Variants in PSD3 observed in about 807,000 individuals in gnomAD.
PSD3 encodes the protein PH and SEC7 domain-containing protein 3.
PSD3 carries 49 observed loss-of-function variants against 105.5 expected under a neutral mutation model. That is an observed-to-expected ratio of 0.46 (90% CI 0.37 to 0.59). PSD3 has a LOEUF of 0.59. PSD3 is among the 20% of genes least tolerant of loss of function. PSD3 has a pLI of 0.00. For synonymous variants in PSD3, 557 were observed against 457.8 expected, an observed-to-expected ratio of 1.22 and a Z score of -2.77; for missense variants, 1,561 against 1,263.8, an observed-to-expected ratio of 1.24 and a Z score of -3.57.
chr8:18,924,461 T>G (rs1326168232), intron 2 of PSD3: 2 of 152,198 alleles, frequency 1.3e-5, no homozygotes, highest in Non-Finnish European at 2.9e-5. Flanking sequence ...TCTAAAGGAC[T>G]AGCCACAAAA....
At position 18,872,565 on chromosome 8, in the gene PSD3, C is replaced by A; in HGVS notation, c.299G>T (p.Cys100Phe). The change falls in exon 3 of 16, where the codon TGC becomes TTC. Residue 100 changes from cysteine (C) to phenylalanine (F), a missense_variant. By Grantham distance (205) the Cys-to-Phe change is radical (BLOSUM62 -2). Transcript: ENST00000327040. ...TGTAACACTGTCGAGCCCAGAGTGG[C>A]AGCCAGTAAGAGGCTGGACACCCTG... ...EQQGVQPLTG[C>F]HSGLDSVTEG... 1 of 1,613,970 alleles carries A rather than the reference C, an allele frequency of 6.2e-7. No homozygotes were observed. Among genetic ancestry groups the A allele is most frequent in the Non-Finnish European group, 8.5e-7 (1 of 1,179,948 alleles).
intron 4 of PSD3, among the ~76,000 whole-genome samples, chr8:18,820,516 C>A (rs910727343): frequency 6.6e-6 from 1 of 152,146 alleles, no homozygotes; most frequent in Non-Finnish European, 1.5e-5. Context: ...CTGCTGTATA[C>A]CTTAAGTCAT....
At chr8:18,578,663 A>G (rs897845981) in intron 12 of PSD3, among the ~76,000 whole-genome samples, 5 of 152,012 alleles carry the variant, frequency 3.3e-5, no homozygotes, top group Admixed American at 3.3e-4. Context: ...TTCTTCGAGT[A>G]TATTATCTGC....
chr8:18,740,973 C>T (rs973917617), intron 9 of PSD3, among the ~76,000 whole-genome samples: 3 of 151,974 alleles, frequency 2.0e-5, no homozygotes, highest in Non-Finnish European at 4.4e-5. Context: ...ATCTGACCCT[C>T]AAGAAATAAG....
At chr8:18,981,943 T>C (rs1171710496) in intron 1 of PSD3, among the ~76,000 whole-genome samples, 1 of 152,132 alleles carries the variant, frequency 6.6e-6, no homozygotes, top group African/African-American at 2.4e-5. Flanking sequence ...AAGACAAAAA[T>C]GAAGTTTGTC....
chr8:18,560,157 TAAGA>T (rs1412679434), intron 14 of PSD3, among the ~76,000 whole-genome samples: 1 of 144,954 alleles, frequency 6.9e-6, no homozygotes, highest in Non-Finnish European at 1.5e-5. Context: ...AATCCCATGA[TAAGA>T]AAGATACACA....
chr8:18,933,935 T>C (rs12678282), intron 2 of PSD3, among the ~76,000 whole-genome samples: 6,636 of 152,288 alleles, frequency 0.044, 294 homozygotes, highest in East Asian at 0.17. Context: ...GTATAAGAGA[T>C]ATACTACGAA....
At chr8:18,695,330 T>TAAA (rs1801199359) in intron 9 of PSD3, among the ~76,000 whole-genome samples, 1 of 152,196 alleles carries the variant, frequency 6.6e-6, no homozygotes, top group South Asian at 2.1e-4. Flanking sequence ...CTTGCAGACA[T>TAAA]AAAAGTGCAT....
intron 12 of PSD3, among the ~76,000 whole-genome samples, chr8:18,578,606 T>C (rs914296028): frequency 6.6e-6 from 1 of 152,120 alleles, no homozygotes; most frequent in Non-Finnish European, 1.5e-5. Flanking sequence ...TTGGTAGCTA[T>C]TACTATTGAA....
chr8:18,555,575 G>A (rs1801018800), intron 15 of PSD3, among the ~76,000 whole-genome samples: 1 of 152,158 alleles, frequency 6.6e-6, no homozygotes, highest in South Asian at 2.1e-4. Flanking sequence ...CATTAATTTG[G>A]AAGAAAACTG....
In PSD3 at chr8:18,932,208, C is replaced by G. The variant is rs560347240; in HGVS notation, c.130+3826G>C. On this transcript the variant is annotated intron_variant, in intron 2 of 15. Transcript: ENST00000327040. Reference sequence around the variant, plus strand: ...AGTTACTACCATTTTCCCTATTTTACAGATGAAGAAACTGAGGAGGCTCAG... The same window carrying G: ...AGTTACTACCATTTTCCCTATTTTAGAGATGAAGAAACTGAGGAGGCTCAG... Among the ~76,000 whole-genome samples, 5 of 152,314 alleles carry G rather than the reference C, an allele frequency of 3.3e-5. No homozygotes were observed. In the South Asian group the frequency reaches 1.0e-3, roughly 32 times the overall value.
chr8:18,936,281 CA>C (rs1453131977), intron 1 of PSD3, 139 bp from the exon 2 acceptor site: 9 of 592,496 alleles, frequency 1.5e-5, no homozygotes, highest in Non-Finnish European at 3.0e-6. Context: ...CAAAATGAAA[CA>C]TGAAAAGTGT....
At chr8:18,586,513 T>C (rs189081326) in intron 12 of PSD3, among the ~76,000 whole-genome samples, 71 of 152,236 alleles carry the variant, frequency 4.7e-4, no homozygotes, top group African/African-American at 1.6e-3. Flanking sequence ...AATAATGAAA[T>C]GAGACCCTAA....
intron 12 of PSD3, among the ~76,000 whole-genome samples, chr8:18,591,815 AG>A (rs1437086089): frequency 1.3e-5 from 2 of 152,162 alleles, no homozygotes; most frequent in East Asian, 3.9e-4. Flanking sequence ...ACAGCTGGGT[AG>A]CTTCCTGCTC....
intron 3 of PSD3, among the ~76,000 whole-genome samples, chr8:18,870,315 A>AATGACTACGAT (rs1817239960): frequency 6.6e-6 from 1 of 152,214 alleles, no homozygotes; most frequent in Non-Finnish European, 1.5e-5. Context: ...GTACACAACA[A>AATGACTACGAT]ATGACTACGA....
intron 1 of PSD3, among the ~76,000 whole-genome samples, chr8:19,046,113 G>T (rs1048687251): frequency 7.2e-5 from 11 of 152,088 alleles, no homozygotes; most frequent in African/African-American, 2.2e-4. Context: ...TAGATCTTTT[G>T]TTGTTGGTGG....
At position 18,577,407 on chromosome 8, in the gene PSD3, T is replaced by C. The variant is rs28574915; in HGVS notation, c.2482-2122A>G. 3.2e-3 allele frequency among the ~76,000 whole-genome samples: 489 copies of C among 152,210 alleles called. 4 individuals are homozygous for C. Among genetic ancestry groups the C allele is most frequent in the African/African-American group, 0.011 (460 of 41,572 alleles). ...GAATGTGTCTTTATATTCAAGTTTA[T>C]TGACTCGGTTCCTCTGCCCTTACAT... On this transcript the variant is annotated intron_variant, in intron 12 of 15. Coordinates refer to ENST00000327040, the MANE Select transcript of PSD3 (RefSeq NM_015310.4).
chr8:18,674,538 T>C (rs28624907), intron 9 of PSD3, among the ~76,000 whole-genome samples: 9,409 of 152,240 alleles, frequency 0.062, 589 homozygotes, highest in East Asian at 0.15. Flanking sequence ...TTACCTTAAA[T>C]TCTAATTTAA....
intron 9 of PSD3, among the ~76,000 whole-genome samples, chr8:18,741,161 G>T (rs1319334147): frequency 6.6e-6 from 1 of 152,194 alleles, no homozygotes; most frequent in Non-Finnish European, 1.5e-5. Context: ...GGGGAGAAAG[G>T]AAGGAAGGAC....
Sources: gnomAD v4.1 joint callset for allele counts (sites outside exome capture counted in the v4.1 genomes callset) on GRCh38, gnomAD v4.1.1 for gene constraint, MANE v1.5 for transcripts, NCBI Gene and HGNC (gene_info 2026-07-23, HGNC 2026-07-21) for gene names.